HS3ST4: variants seen among roughly 807,000 people sequenced by gnomAD.
The protein encoded by HS3ST4 is heparan sulfate-glucosamine 3-sulfotransferase 4.
A neutral mutation model predicts 29.2 loss-of-function variants in HS3ST4; 17 were observed. The ratio of observed to expected loss-of-function variants is 0.58; its 90% CI spans 0.40 to 0.87. HS3ST4 has a LOEUF of 0.87. HS3ST4 is among the 40% of genes least tolerant of loss of function. The pLI is 0.00. For missense variants in HS3ST4, 627 were observed against 634.5 expected (o/e 0.99, Z 0.13); for synonymous variants, 314 against 285.7 (o/e 1.10, Z -1.00).
chr16:25,957,092 CA>C (rs1382823176), intron 1 of HS3ST4, among the ~76,000 whole-genome samples: 1 of 151,080 alleles, frequency 6.6e-6, no homozygotes, highest in African/African-American at 2.4e-5. Context: ...GAGAGACGAT[CA>C]GAGCCCAAAG....
At position 25,904,147 on chromosome 16, in the gene HS3ST4, GATGGATGAATGGATGA is replaced by G. The variant is rs200007169; in HGVS notation, c.734+211004_734+211019del. On this transcript the variant is annotated intron_variant, in intron 1 of 1. Coordinates refer to ENST00000331351, the MANE Select transcript of HS3ST4 (RefSeq NM_006040.3). The stretch of plus-strand genomic sequence containing the variant: ...GGATGGATGGATGGATGGATGGATG[GATGGATGAATGGATGA>G]ATGGATGGATGGATGGATGGACGGA... 6.5e-5 allele frequency among the ~76,000 whole-genome samples: 6 copies of G among 92,030 alleles called. No individual in the cohort carries two copies. In the South Asian group the frequency reaches 9.4e-4, roughly 14 times the overall value. The allele number at this position is 92,030 out of a possible 152,430, so 60.4% of individuals were successfully genotyped here.
At chr16:25,736,483 C>T (rs749290382) in intron 1 of HS3ST4, among the ~76,000 whole-genome samples, 1 of 152,156 alleles carries the variant, frequency 6.6e-6, no homozygotes, top group African/African-American at 2.4e-5. Context: ...CAGATTTCCT[C>T]GAATCTGTAA....
chr16:26,032,513 A>G, intron 1 of HS3ST4: 1 of 1,346,906 alleles, frequency 7.4e-7, no homozygotes, highest in Non-Finnish European at 1.1e-6. Context: ...CACCAGAAGT[A>G]CACAGTTATC....
chr16:25,897,927 A>G (rs913690842), intron 1 of HS3ST4, among the ~76,000 whole-genome samples: 1 of 152,132 alleles, frequency 6.6e-6, no homozygotes, highest in Non-Finnish European at 1.5e-5. Flanking sequence ...TGAAAATGAC[A>G]AGGTGCCTCA....
intron 1 of HS3ST4, among the ~76,000 whole-genome samples, chr16:25,861,509 T>C (rs138374409): frequency 1.6e-3 from 238 of 152,360 alleles, no homozygotes; most frequent in African/African-American, 5.6e-3. Context: ...GAAAACTTTT[T>C]GTTTATTCTA....
At chr16:25,965,841 A>G (rs1567283125) in intron 1 of HS3ST4, among the ~76,000 whole-genome samples, 1 of 152,138 alleles carries the variant, frequency 6.6e-6, no homozygotes, top group Non-Finnish European at 1.5e-5. Context: ...CTCTGTACAT[A>G]ATTAATTAAT....
intron 1 of HS3ST4, among the ~76,000 whole-genome samples, chr16:25,776,524 C>T (rs1056822137): frequency 6.6e-6 from 1 of 152,196 alleles, no homozygotes; most frequent in African/African-American, 2.4e-5. Flanking sequence ...CAAAACCAAA[C>T]TGTGCTCTGA....
At chr16:26,034,603 G>A (rs1969565977) in intron 1 of HS3ST4, among the ~76,000 whole-genome samples, 1 of 147,352 alleles carries the variant, frequency 6.8e-6, no homozygotes, top group Admixed American at 7.0e-5. Context: ...ACATATTCTA[G>A]TTCATCCATT....
chr16:25,865,932 AC>A (rs1183319259), intron 1 of HS3ST4, among the ~76,000 whole-genome samples: 1 of 152,212 alleles, frequency 6.6e-6, no homozygotes, highest in Non-Finnish European at 1.5e-5. Context: ...TAAAAATATA[AC>A]CCCAAAAGCA....
At chr16:26,029,762 G>A (rs896080758) in intron 1 of HS3ST4, among the ~76,000 whole-genome samples, 1 of 152,232 alleles carries the variant, frequency 6.6e-6, no homozygotes, top group East Asian at 1.9e-4. Flanking sequence ...TGAAGCATCA[G>A]TTCCAGGAGA....
chr16:25,998,745 G>A (rs1183021898), intron 1 of HS3ST4, among the ~76,000 whole-genome samples: 1 of 151,926 alleles, frequency 6.6e-6, no homozygotes, highest in East Asian at 1.9e-4. Flanking sequence ...TTGAGAACTA[G>A]CAAAAAATCC....
At chr16:25,950,129 A>T (rs1437222325) in intron 1 of HS3ST4, among the ~76,000 whole-genome samples, 1 of 152,166 alleles carries the variant, frequency 6.6e-6, no homozygotes, top group Non-Finnish European at 1.5e-5. Context: ...CAGCTTTGGC[A>T]TCAGTGAGGG....
chr16:26,036,904 A>G (rs1464104365), intron 1 of HS3ST4, among the ~76,000 whole-genome samples: 2 of 152,186 alleles, frequency 1.3e-5, no homozygotes, highest in African/African-American at 4.8e-5. Context: ...AAAGAACTGG[A>G]ACCAAGAACT....
intron 1 of HS3ST4, among the ~76,000 whole-genome samples, chr16:26,072,631 T>A (rs531864034): frequency 6.6e-6 from 1 of 152,340 alleles, no homozygotes; most frequent in South Asian, 2.1e-4. Flanking sequence ...TAGGTTGTCT[T>A]TAGATGGACA....
chr16:26,024,386 C>T (rs1969446523), intron 1 of HS3ST4, among the ~76,000 whole-genome samples: 1 of 152,140 alleles, frequency 6.6e-6, no homozygotes, highest in South Asian at 2.1e-4. Flanking sequence ...AGAACTGTGG[C>T]ATAAGAGTCC....
chr16:26,005,732 GAA>G (rs539885852), intron 1 of HS3ST4, among the ~76,000 whole-genome samples: 2 of 127,764 alleles, frequency 1.6e-5, no homozygotes, highest in African/African-American at 2.9e-5. Flanking sequence ...TTTACTGTGT[GAA>G]AAAAAAAAAA....
intron 1 of HS3ST4, among the ~76,000 whole-genome samples, chr16:26,125,799 C>G (rs1247262986): frequency 6.6e-6 from 1 of 152,170 alleles, no homozygotes; most frequent in Non-Finnish European, 1.5e-5. Flanking sequence ...CACTCACAGG[C>G]ATCCTCAGTT....
chr16:25,917,631 C>T (rs1250927428), intron 1 of HS3ST4, among the ~76,000 whole-genome samples: 1 of 152,188 alleles, frequency 6.6e-6, no homozygotes, highest in Non-Finnish European at 1.5e-5. Flanking sequence ...GAGGCAATGT[C>T]TGGAGCCTTT....
chr16:25,715,250 A>C (rs1966445251), intron 1 of HS3ST4, among the ~76,000 whole-genome samples: 1 of 149,832 alleles, frequency 6.7e-6, no homozygotes, highest in Admixed American at 6.7e-5. Context: ...TGAACCCGGG[A>C]AGCGGAGCTT....
Sources: gnomAD v4.1 joint callset for allele counts (sites outside exome capture counted in the v4.1 genomes callset) on GRCh38, gnomAD v4.1.1 for gene constraint, MANE v1.5 for transcripts, NCBI Gene and HGNC (gene_info 2026-07-23, HGNC 2026-07-21) for gene names.